Variants in CELF2 observed in about 807,000 individuals in gnomAD.
CELF2 encodes the protein CUGBP Elav-like family member 2.
CELF2 carries 8 observed loss-of-function variants against 62.6 expected under a neutral mutation model. That is an observed-to-expected ratio of 0.13 (90% CI 0.07 to 0.23). The LOEUF (loss-of-function observed/expected upper bound fraction) is 0.23. Ranked by LOEUF, CELF2 falls within the 10% of genes least tolerant of loss-of-function variation. CELF2 has a pLI of 1.00. For synonymous variants in CELF2, 258 were observed against 250.0 expected (o/e 1.03, Z -0.30); for missense variants, 333 against 671.0 (o/e 0.50, Z 5.56).
chr10:11,057,028 T>A (rs1257260341), intron 1 of CELF2, among the ~76,000 whole-genome samples: 1 of 152,072 alleles, frequency 6.6e-6, no homozygotes, highest in Non-Finnish European at 1.5e-5. Flanking sequence ...AATTCCAGGT[T>A]GGTAGGTTGG....
At chr10:10,895,299 C>A (rs2062461570) in intron 1 of CELF2, among the ~76,000 whole-genome samples, 1 of 152,152 alleles carries the variant, frequency 6.6e-6, no homozygotes, top group Admixed American at 6.6e-5. Flanking sequence ...ACATTTTTTA[C>A]CTTACCTGAA....
chr10:10,539,436 T>G, the CELF2 span, among the ~76,000 whole-genome samples: 1 of 151,562 alleles, frequency 6.6e-6, no homozygotes, highest in Non-Finnish European at 1.5e-5. Context: ...GAACCAGCCC[T>G]CAACCCCACC....
At chr10:11,123,304 AC>A (rs2058105053) in intron 1 of CELF2, among the ~76,000 whole-genome samples, 1 of 152,124 alleles carries the variant, frequency 6.6e-6, no homozygotes, top group African/African-American at 2.4e-5. Context: ...AGGCTGGAAT[AC>A]CATGACACAA....
the CELF2 span, among the ~76,000 whole-genome samples, chr10:10,514,272 A>G: frequency 3.3e-5 from 5 of 152,260 alleles, no homozygotes; most frequent in Admixed American, 2.6e-4. Context: ...TATAGAAAGT[A>G]GCTCGTTATA....
intron 1 of CELF2, among the ~76,000 whole-genome samples, chr10:11,037,376 TTG>T (rs1406006233): frequency 6.6e-6 from 1 of 152,254 alleles, no homozygotes; most frequent in Non-Finnish European, 1.5e-5. Context: ...AAGGTGAGAT[TTG>T]TGTGAGGACA....
At position 11,005,766 on chromosome 10, in the gene CELF2, C is replaced by T. The variant is rs898231749; in HGVS notation, c.53+326C>T. On this transcript the variant is annotated intron_variant, in intron 1 of 12. Transcript: ENST00000416382. This position sits in a 1 kb window ranked among gnomAD's most constrained non-coding sequence, Gnocchi z 4.3. ...AATCTGGATCTTGGTTCGTCTTTTCCTTTGCAATGTCTAAGCCTCTTTCAT... is the reference window on the plus strand; with the variant it reads ...AATCTGGATCTTGGTTCGTCTTTTCTTTTGCAATGTCTAAGCCTCTTTCAT... Among the ~76,000 whole-genome samples, 3 of 152,188 alleles carry T rather than the reference C, an allele frequency of 2.0e-5. No homozygotes were observed. The highest frequency in any genetic ancestry group is 7.2e-5 in the African/African-American group (3 of 41,436).
intron 1 of CELF2, among the ~76,000 whole-genome samples, chr10:11,116,445 G>T (rs190150907): frequency 6.6e-6 from 1 of 152,170 alleles, no homozygotes; most frequent in Non-Finnish European, 1.5e-5. Context: ...TAATTTACAC[G>T]TATGAGAAGT....
chr10:10,937,920 T>C (rs1012020115), intron 2 of CELF2, among the ~76,000 whole-genome samples: 1 of 152,210 alleles, frequency 6.6e-6, no homozygotes, highest in South Asian at 2.1e-4. Context: ...TGACATTTAT[T>C]GACTGCACAG....
chr10:10,998,667 GGAA>G (rs2054218422), intron 2 of CELF2, among the ~76,000 whole-genome samples: 1 of 152,136 alleles, frequency 6.6e-6, no homozygotes, highest in Non-Finnish European at 1.5e-5. Flanking sequence ...GGCTGACCCG[GGAA>G]GAAATGAGGT....
intron 3 of CELF2, among the ~76,000 whole-genome samples, chr10:11,248,336 T>A (rs2076214874): frequency 6.6e-6 from 1 of 152,200 alleles, no homozygotes; most frequent in African/African-American, 2.4e-5. Context: ...GGGTCCACTG[T>A]AGCTCAGGAC....
At chr10:10,471,439 A>C in the CELF2 span, among the ~76,000 whole-genome samples, 4 of 151,890 alleles carry the variant, frequency 2.6e-5, no homozygotes, top group East Asian at 7.7e-4. Context: ...GTATACATTT[A>C]TAATTGTTAC....
At chr10:11,051,767 G>T (rs1184804603) in intron 1 of CELF2, among the ~76,000 whole-genome samples, 1 of 152,168 alleles carries the variant, frequency 6.6e-6, no homozygotes, top group African/African-American at 2.4e-5. Flanking sequence ...CACTGAAGAT[G>T]AAACGTTTGA....
chr10:10,809,275 C>T (rs545541273), intron 1 of CELF2, among the ~76,000 whole-genome samples: 1 of 152,272 alleles, frequency 6.6e-6, no homozygotes, highest in South Asian at 2.1e-4. Context: ...AGGAAGAAAG[C>T]CCTCATTAGA....
chr10:11,165,917 C>T lies in CELF2; in HGVS notation c.271+235C>T, dbSNP rs1407512219. ...GAGAGGGACCGAGGCAGGGCGGGAG[C>T]GCAGAGGCTCGGTCCAGGCGCGTGA... On this transcript the variant is annotated intron_variant, in intron 2 of 12. Coordinates refer to ENST00000633077, the MANE Select transcript of CELF2 (RefSeq NM_001326342.2). The surrounding 1 kb of genome is among the most constrained non-coding windows in gnomAD (Gnocchi z 7.4). 6.6e-6 allele frequency among the ~76,000 whole-genome samples: 1 copy of T among 152,232 alleles called. No individual in the cohort carries two copies. The highest frequency in any genetic ancestry group is 2.1e-4 in the South Asian group (1 of 4,834).
the CELF2 span, among the ~76,000 whole-genome samples, chr10:10,549,682 C>T: frequency 6.6e-6 from 1 of 152,222 alleles, no homozygotes; most frequent in African/African-American, 2.4e-5. Flanking sequence ...TCTATGTTCT[C>T]ATTGACTCTT....
intron 1 of CELF2, among the ~76,000 whole-genome samples, chr10:10,896,279 A>T (rs1006322198): frequency 2.0e-5 from 3 of 152,134 alleles, no homozygotes; most frequent in Non-Finnish European, 2.9e-5. Context: ...TGCCTCCACA[A>T]TGGAGGTTAT....
chr10:11,066,844 T>C (rs1185643521), intron 1 of CELF2, among the ~76,000 whole-genome samples: 2 of 152,092 alleles, frequency 1.3e-5, no homozygotes, highest in East Asian at 1.9e-4. Context: ...TGCATGTGTA[T>C]ATTGAAGCAA....
Position 11,297,344 on chromosome 10 carries a change from C to T in CELF2, c.976+8792C>T, listed in dbSNP as rs554345685. Among the ~76,000 whole-genome samples the T allele has an allele frequency of 6.6e-6, 1 of 152,258 alleles. No homozygotes were observed. The highest frequency in any genetic ancestry group is 1.9e-4 in the East Asian group (1 of 5,174). On this transcript the variant is annotated intron_variant, in intron 9 of 12. Coordinates refer to ENST00000633077, the MANE Select transcript of CELF2 (RefSeq NM_001326342.2). The surrounding 1 kb of genome is among the most constrained non-coding windows in gnomAD (Gnocchi z 4.4). The stretch of plus-strand genomic sequence containing the variant: ...TTGAGACTGACCTGCAGAGGCCAGG[C>T]GGGCTGCCCTAAGCCCGGGGAGGGG...
the CELF2 span, among the ~76,000 whole-genome samples, chr10:10,496,748 C>T: frequency 3.9e-5 from 6 of 152,128 alleles, no homozygotes; most frequent in African/African-American, 4.8e-5. Flanking sequence ...ATCTCTTGCC[C>T]TACAGGACCT....
Sources: allele counts gnomAD v4.1 joint callset (sites outside exome capture counted in the v4.1 genomes callset), GRCh38; gene constraint gnomAD v4.1.1; non-coding constraint Gnocchi (gnomAD v3.1); transcripts MANE v1.5; gene names NCBI Gene and HGNC (gene_info 2026-07-23, HGNC 2026-07-21).